Variants in HS6ST3 observed in about 807,000 individuals in gnomAD.
HS6ST3 encodes heparan sulfate 6-O-sulfotransferase 3.
In HS6ST3, 12 loss-of-function variants were observed where a neutral mutation model predicts 36.7. The observed-to-expected ratio is 0.33, with a 90% confidence interval of 0.21 to 0.53. HS6ST3 has a LOEUF of 0.53. HS6ST3 is among the 20% of genes least tolerant of loss of function. HS6ST3 has a pLI of 0.95. For synonymous variants in HS6ST3, 240 were observed against 257.5 expected (o/e 0.93, Z 0.65); for missense variants, 584 against 640.9 (o/e 0.91, Z 0.96).
At chr13:96,589,848 G>C (rs1447119313) in intron 1 of HS6ST3, among the ~76,000 whole-genome samples, 2 of 151,892 alleles carry the variant, frequency 1.3e-5, no homozygotes, top group Non-Finnish European at 1.5e-5. Context: ...ACCCTTTCTA[G>C]CTTCTGGAAA....
rs1358150782 is a variant in HS6ST3 at position 96,699,415 on chromosome 13, C to T, written c.708-133075C>T. Among the ~76,000 whole-genome samples, 4 of 151,950 alleles carry T rather than the reference C, an allele frequency of 2.6e-5. No individual in the cohort carries two copies. The East Asian group carries it at 5.8e-4, about 22-fold the overall frequency. ...AAACAAATTTACAAGAAAAAAACAA[C>T]CCCATCAACAAGTGGGTGAAGGATA... is the stretch of plus-strand genomic sequence containing the variant. On this transcript the variant is annotated intron_variant, in intron 1 of 1. Transcript: ENST00000376705.
intron 1 of HS6ST3, among the ~76,000 whole-genome samples, chr13:96,114,273 A>T (rs2053883731): frequency 6.6e-6 from 1 of 151,908 alleles, no homozygotes; most frequent in African/African-American, 2.4e-5. Context: ...TGCCTCAGTC[A>T]CCTGAGTAGC....
intron 1 of HS6ST3, among the ~76,000 whole-genome samples, chr13:96,248,862 T>C (rs574159547): frequency 6.6e-6 from 1 of 152,356 alleles, no homozygotes; most frequent in South Asian, 2.1e-4. Context: ...ATTTATATAG[T>C]AGCCTGTGCT....
At chr13:96,298,029 A>G (rs189818455) in intron 1 of HS6ST3, among the ~76,000 whole-genome samples, 22 of 152,024 alleles carry the variant, frequency 1.4e-4, no homozygotes, top group African/African-American at 5.3e-4. Context: ...ATTTCTTAAG[A>G]AAAAAAACCT....
At chr13:96,161,182 T>G (rs1188593814) in intron 1 of HS6ST3, among the ~76,000 whole-genome samples, 1 of 152,122 alleles carries the variant, frequency 6.6e-6, no homozygotes, top group Non-Finnish European at 1.5e-5. Flanking sequence ...ACTTTTGCCC[T>G]TAAGATGTTA....
chr13:96,571,667 T>C (rs1362914638), intron 1 of HS6ST3, among the ~76,000 whole-genome samples: 1 of 152,224 alleles, frequency 6.6e-6, no homozygotes, highest in African/African-American at 2.4e-5. Context: ...CCCATGAGTC[T>C]AGGTCTTAGT....
chr13:96,553,979 T>A (rs1339873308), intron 1 of HS6ST3, among the ~76,000 whole-genome samples: 1 of 152,156 alleles, frequency 6.6e-6, no homozygotes, highest in East Asian at 1.9e-4. Context: ...GAGGTCTGTG[T>A]GCGTGCGTGC....
intron 1 of HS6ST3, among the ~76,000 whole-genome samples, chr13:96,302,958 G>T (rs949350470): frequency 4.6e-5 from 7 of 152,118 alleles, no homozygotes; most frequent in African/African-American, 1.7e-4. Context: ...TTGGAACACA[G>T]CCATGCTCCT....
At chr13:96,750,596 C>A (rs534867971) in intron 1 of HS6ST3, among the ~76,000 whole-genome samples, 1 of 152,238 alleles carries the variant, frequency 6.6e-6, no homozygotes, top group South Asian at 2.1e-4. Flanking sequence ...TGCCTTTTGG[C>A]CAAAATAAAA....
chr13:96,286,456 A>G (rs1461395617), intron 1 of HS6ST3, among the ~76,000 whole-genome samples: 2 of 152,168 alleles, frequency 1.3e-5, no homozygotes, highest in African/African-American at 4.8e-5. Context: ...TTCATAATAC[A>G]TTAATACAAA....
intron 1 of HS6ST3, among the ~76,000 whole-genome samples, chr13:96,237,363 C>T (rs2054539540): frequency 6.6e-6 from 1 of 152,026 alleles, no homozygotes; most frequent in Non-Finnish European, 1.5e-5. Context: ...TCTTCCTCTT[C>T]CTTCTCTTCC....
chr13:96,684,966 CA>C (rs1481998942), intron 1 of HS6ST3, among the ~76,000 whole-genome samples: 1 of 152,028 alleles, frequency 6.6e-6, no homozygotes, highest in Non-Finnish European at 1.5e-5. Flanking sequence ...ACACACAACA[CA>C]AACATATTTG....
At chr13:96,328,728 A>G (rs994629280) in intron 1 of HS6ST3, among the ~76,000 whole-genome samples, 8 of 151,984 alleles carry the variant, frequency 5.3e-5, no homozygotes, top group East Asian at 3.9e-4. Flanking sequence ...CTCTTTTTCT[A>G]TTGGTTGGAA....
At chr13:96,557,211 G>A (rs2056244476) in intron 1 of HS6ST3, among the ~76,000 whole-genome samples, 1 of 152,144 alleles carries the variant, frequency 6.6e-6, no homozygotes, top group African/African-American at 2.4e-5. Flanking sequence ...TGTGAGGTGG[G>A]TCTTGTATCA....
chr13:96,570,424 A>C (rs1566399875), intron 1 of HS6ST3, among the ~76,000 whole-genome samples: 1 of 152,226 alleles, frequency 6.6e-6, no homozygotes, highest in Non-Finnish European at 1.5e-5. Context: ...AATATCCCAG[A>C]TTAATGCGAC....
intron 1 of HS6ST3, among the ~76,000 whole-genome samples, chr13:96,386,701 C>T (rs1231818341): frequency 6.6e-6 from 1 of 151,932 alleles, no homozygotes; most frequent in Non-Finnish European, 1.5e-5. Flanking sequence ...CCTGTCTCTA[C>T]TAAAAATACA....
intron 1 of HS6ST3, among the ~76,000 whole-genome samples, chr13:96,677,849 T>G (rs947446658): frequency 1.3e-5 from 2 of 152,210 alleles, no homozygotes; most frequent in African/African-American, 2.4e-5. Context: ...GCTAAAATGT[T>G]TACTTATTTA....
chr13:96,136,682 CATATATATAT>C (rs56247662), intron 1 of HS6ST3, among the ~76,000 whole-genome samples: 174 of 130,520 alleles, frequency 1.3e-3, no homozygotes, highest in South Asian at 3.4e-3. Context: ...TGTTATGAAA[CATATATATAT>C]ATATATATAT....
intron 1 of HS6ST3, among the ~76,000 whole-genome samples, chr13:96,500,732 T>C (rs2056000140): frequency 6.6e-6 from 1 of 152,226 alleles, no homozygotes; most frequent in African/African-American, 2.4e-5. Context: ...CCACATTTAA[T>C]AAATTATCAC....
Sources: gnomAD v4.1 joint callset for allele counts (sites outside exome capture counted in the v4.1 genomes callset) on GRCh38, gnomAD v4.1.1 for gene constraint, MANE v1.5 for transcripts, NCBI Gene and HGNC (gene_info 2026-07-23, HGNC 2026-07-21) for gene names.